Variants in SLC15A5 observed in about 807,000 individuals in gnomAD.
SLC15A5 encodes the protein Peptide/histidine transporter ENSP00000340402.
Under a neutral mutation model 56.1 loss-of-function variants are expected in SLC15A5, and 58 were observed. That is an observed-to-expected ratio of 1.03 (90% CI 0.84 to 1.29). The LOEUF (loss-of-function observed/expected upper bound fraction) is 1.29, where lower values mean the gene tolerates loss of function less well. Ranked by LOEUF, SLC15A5 falls within the 50% of genes most tolerant of loss-of-function variation. SLC15A5 has a pLI of 0.00. For missense variants in SLC15A5, 681 were observed against 672.1 expected (o/e 1.01, Z -0.15); for synonymous variants, 264 against 250.5 (o/e 1.05, Z -0.51).
At chr12:16,261,650 A>T (rs1194510120) in intron 2 of SLC15A5, among the ~76,000 whole-genome samples, 1 of 152,230 alleles carries the variant, frequency 6.6e-6, no homozygotes, top group Non-Finnish European at 1.5e-5. Context: ...AGAAAATATC[A>T]AATAGTTTTT....
intron 8 of SLC15A5, among the ~76,000 whole-genome samples, chr12:16,193,427 T>C (rs1287044430): frequency 1.3e-5 from 2 of 152,004 alleles, no homozygotes; most frequent in African/African-American, 4.8e-5. Flanking sequence ...TAAACCTTTA[T>C]TGACATACTG....
At chr12:16,253,899 T>G (rs1864543567) in intron 3 of SLC15A5, among the ~76,000 whole-genome samples, 2 of 152,080 alleles carry the variant, frequency 1.3e-5, no homozygotes, top group African/African-American at 4.8e-5. Context: ...TAAAGTAGAA[T>G]TACTACTATA....
At chr12:16,257,556 C>T (rs1453906232) in intron 3 of SLC15A5, 145 bp downstream of exon 3, 1 of 546,340 alleles carries the variant, frequency 1.8e-6, no homozygotes, top group Non-Finnish European at 2.8e-6. Context: ...AATATTCTTG[C>T]AGACCATTGC....
chr12:16,195,782 AT>A (rs1863889168), intron 7 of SLC15A5, among the ~76,000 whole-genome samples: 1 of 152,084 alleles, frequency 6.6e-6, no homozygotes, highest in Non-Finnish European at 1.5e-5. Context: ...AAATATTCTG[AT>A]CATAGTCAGC....
chr12:16,256,143 A>C (rs7961123), intron 3 of SLC15A5, among the ~76,000 whole-genome samples: 68,455 of 151,988 alleles, frequency 0.45, 15,638 homozygotes, highest in South Asian at 0.64. Flanking sequence ...AATTCAACTC[A>C]ATAATTTGCA....
In SLC15A5 at chr12:16,225,177, G is replaced by A. The variant is rs1180088901; in HGVS notation, c.1163-575C>T. ...AGTCTTTGCTATTGTGAGTAGTGCC[G>A]CAATAAACATACATGTGCATGTGTA... On this transcript the variant is annotated intron_variant, in intron 5 of 8. Coordinates refer to ENST00000344941, the MANE Select transcript of SLC15A5 (RefSeq NM_001170798.1). Among the ~76,000 whole-genome samples the A allele has an allele frequency of 3.3e-5, 5 of 152,140 alleles. No individual in the cohort carries two copies. In the South Asian group the frequency reaches 6.2e-4, roughly 19 times the overall value.
At chr12:16,247,935 C>T (rs1358140118) in intron 3 of SLC15A5, among the ~76,000 whole-genome samples, 1 of 152,074 alleles carries the variant, frequency 6.6e-6, no homozygotes, top group Non-Finnish European at 1.5e-5. Context: ...ACCTGGGGAA[C>T]AGGCAAGAGA....
intron 3 of SLC15A5, among the ~76,000 whole-genome samples, chr12:16,250,709 A>G (rs1864511310): frequency 6.6e-6 from 1 of 151,988 alleles, no homozygotes; most frequent in South Asian, 2.1e-4. Context: ...GTTTATTCTT[A>G]AAAGATATTC....
intron 8 of SLC15A5, among the ~76,000 whole-genome samples, chr12:16,191,541 T>C (rs928238271): frequency 1.3e-5 from 2 of 152,096 alleles, no homozygotes; most frequent in Non-Finnish European, 2.9e-5. Context: ...TTAAATATGA[T>C]TTGACTTGTA....
chr12:16,261,228 C>T (rs984724519), intron 2 of SLC15A5, among the ~76,000 whole-genome samples: 8 of 152,124 alleles, frequency 5.3e-5, no homozygotes, highest in Non-Finnish European at 8.8e-5. Flanking sequence ...GTCATCCTTC[C>T]TCTTACCCCT....
chr12:16,230,249 TAGAG>T (rs1349044880), intron 5 of SLC15A5, among the ~76,000 whole-genome samples: 1 of 152,156 alleles, frequency 6.6e-6, no homozygotes, highest in African/African-American at 2.4e-5. Flanking sequence ...TCTTGCAACT[TAGAG>T]AGGCTAGTCA....
At chr12:16,225,354 A>C (rs1008396832) in intron 5 of SLC15A5, among the ~76,000 whole-genome samples, 4 of 152,222 alleles carry the variant, frequency 2.6e-5, no homozygotes, top group Non-Finnish European at 5.9e-5. Context: ...ACAGTGGAAA[A>C]GTGTTCCTAT....
At chr12:16,255,647 C>A (rs1480261353) in intron 3 of SLC15A5, among the ~76,000 whole-genome samples, 1 of 151,854 alleles carries the variant, frequency 6.6e-6, no homozygotes, top group Non-Finnish European at 1.5e-5. Context: ...GAAACATGCA[C>A]CAAGCTATTT....
intron 2 of SLC15A5, among the ~76,000 whole-genome samples, chr12:16,270,463 TC>T (rs1219062234): frequency 6.6e-6 from 1 of 152,138 alleles, no homozygotes; most frequent in African/African-American, 2.4e-5. Context: ...AATAAACTGC[TC>T]CTTTCAAAGA....
chr12:16,204,435 C>CA (rs34486958), intron 7 of SLC15A5, among the ~76,000 whole-genome samples: 74,961 of 136,208 alleles, frequency 0.55, 19,764 homozygotes, highest in South Asian at 0.75. Flanking sequence ...GACACTGTCT[C>CA]AAAAAAAAAA....
intron 5 of SLC15A5, among the ~76,000 whole-genome samples, chr12:16,229,649 C>CACAT (rs1864276087): frequency 1.2e-5 from 1 of 80,564 alleles, no homozygotes; most frequent in African/African-American, 5.1e-5. Flanking sequence ...CACACACATA[C>CACAT]ACACACACAC....
intron 7 of SLC15A5, among the ~76,000 whole-genome samples, chr12:16,212,131 T>G (rs1215962186): frequency 6.6e-6 from 1 of 152,212 alleles, no homozygotes; most frequent in Non-Finnish European, 1.5e-5. Context: ...AGTTTCATTA[T>G]GGTCACTTCT....
intron 3 of SLC15A5, among the ~76,000 whole-genome samples, chr12:16,251,756 A>T (rs1162537850): frequency 6.7e-6 from 1 of 149,608 alleles, no homozygotes; most frequent in Non-Finnish European, 1.5e-5. Context: ...AGAAGAATTA[A>T]CACCTGTTTT....
At chr12:16,192,796 G>C (rs1863849405) in intron 8 of SLC15A5, among the ~76,000 whole-genome samples, 1 of 152,024 alleles carries the variant, frequency 6.6e-6, no homozygotes, top group Admixed American at 6.6e-5. Context: ...CATATGGCTA[G>C]GCATAAGACC....
Sources: gnomAD v4.1 joint callset for allele counts (sites outside exome capture counted in the v4.1 genomes callset) on GRCh38, gnomAD v4.1.1 for gene constraint, MANE v1.5 for transcripts, NCBI Gene and HGNC (gene_info 2026-07-23, HGNC 2026-07-21) for gene names.